PRKN: variants seen among roughly 807,000 people sequenced by gnomAD.
PRKN encodes parkin RBR E3 ubiquitin protein ligase.
A neutral mutation model predicts 59.5 loss-of-function variants in PRKN; 56 were observed. The observed-to-expected ratio is 0.94, with a 90% CI of 0.76 to 1.18. The LOEUF (loss-of-function observed/expected upper bound fraction) is 1.18. PRKN is among the 50% of genes most tolerant of loss of function. The pLI, the probability that PRKN is intolerant of heterozygous loss-of-function variation, is 0.00. For synonymous variants in PRKN, 250 were observed against 222.1 expected, an observed-to-expected ratio of 1.13 and a Z score of -1.12; for missense variants, 657 against 596.4, an observed-to-expected ratio of 1.10 and a Z score of -1.06.
chr6:162,027,117 G>T (rs1378439815), intron 5 of PRKN, among the ~76,000 whole-genome samples: 3 of 152,080 alleles, frequency 2.0e-5, no homozygotes, highest in African/African-American at 7.2e-5. Flanking sequence ...CCTCACTTAT[G>T]ACCTCTCTAC....
chr6:161,440,930 A>C lies in PRKN; in HGVS notation c.1084-54053T>G, dbSNP rs1393663521. The stretch of plus-strand genomic sequence containing the variant: ...TGTCCCTAGAAAATTTAAGACTAAA[A>C]TGTCAGCTGAAAGACAAAGAGAAAG... On this transcript the variant is annotated intron_variant, in intron 9 of 11. Coordinates refer to ENST00000366898, the MANE Select transcript of PRKN (RefSeq NM_004562.3). This position sits in a 1 kb window ranked among gnomAD's most constrained non-coding sequence, Gnocchi z 4.1. Among the ~76,000 whole-genome samples the C allele has an allele frequency of 2.6e-5, 4 of 152,220 alleles. No individual in the cohort carries two copies. The highest frequency in any genetic ancestry group is 2.1e-4 in the South Asian group (1 of 4,828).
rs558115447 is a variant in PRKN, at chr6:162,056,521, C to A, written c.535-2347G>T. Among the ~76,000 whole-genome samples the A allele has an allele frequency of 6.6e-6, 1 of 152,160 alleles. No homozygotes were observed. ...CAAAAGGAGCTGCATCTGGGATCCACCGATCATTAATCCAAAGGCCACCGC... is the reference window on the plus strand; with the variant it reads ...CAAAAGGAGCTGCATCTGGGATCCAACGATCATTAATCCAAAGGCCACCGC... On this transcript the variant is annotated intron_variant, in intron 4 of 11. Coordinates refer to ENST00000366898, the MANE Select transcript of PRKN (RefSeq NM_004562.3). This position sits in a 1 kb window ranked among gnomAD's most constrained non-coding sequence, Gnocchi z 4.9.
At chr6:162,174,196 T>C (rs1783425463) in intron 4 of PRKN, among the ~76,000 whole-genome samples, 1 of 152,230 alleles carries the variant, frequency 6.6e-6, no homozygotes, top group African/African-American at 2.4e-5. Flanking sequence ...AGAAAGGTGA[T>C]GGGCTGTCCA....
At chr6:162,128,810 A>G (rs1053611089) in intron 4 of PRKN, among the ~76,000 whole-genome samples, 1 of 152,162 alleles carries the variant, frequency 6.6e-6, no homozygotes, top group African/African-American at 2.4e-5. Context: ...CTCTTCCACC[A>G]TAAGAGGTTG....
At chr6:162,302,992 A>ACACG (rs1303421117) in intron 2 of PRKN, among the ~76,000 whole-genome samples, 1 of 151,580 alleles carries the variant, frequency 6.6e-6, no homozygotes, top group Non-Finnish European at 1.5e-5. Context: ...ACACACACAC[A>ACACG]CACACACAGA....
intron 2 of PRKN, among the ~76,000 whole-genome samples, chr6:162,388,894 T>A (rs1289315795): frequency 6.6e-6 from 1 of 151,246 alleles, no homozygotes; most frequent in African/African-American, 2.4e-5. Context: ...ACTGAAAGAC[T>A]TACCCACTGT....
chr6:162,451,263 G>A (rs927754693), intron 1 of PRKN, among the ~76,000 whole-genome samples: 4 of 150,706 alleles, frequency 2.7e-5, no homozygotes, highest in African/African-American at 7.3e-5. Flanking sequence ...AACCATTCTC[G>A]GAGAAAAGAA....
At chr6:161,455,538 C>T (rs1269375169) in intron 9 of PRKN, among the ~76,000 whole-genome samples, 1 of 152,054 alleles carries the variant, frequency 6.6e-6, no homozygotes, top group African/African-American at 2.4e-5. Flanking sequence ...TGGAGGAAAT[C>T]ACATCCGGTC....
At chr6:162,387,553 CACAGAGAGAGAGAGAGAGAGAGAGAG>C (rs1786908315) in intron 2 of PRKN, among the ~76,000 whole-genome samples, 1 of 80,232 alleles carries the variant, frequency 1.2e-5, no homozygotes, top group Non-Finnish European at 2.2e-5. Context: ...CACACACACA[CACAGAGAGAGAGAGAGAGAGAGAGAG>C]AGAGAGAGAG....
intron 1 of PRKN, among the ~76,000 whole-genome samples, chr6:162,609,078 A>G (rs1309899617): frequency 2.6e-5 from 4 of 152,208 alleles, no homozygotes; most frequent in African/African-American, 9.6e-5. Context: ...AAGAGGACCA[A>G]CTTCCAGATA....
intron 1 of PRKN, among the ~76,000 whole-genome samples, chr6:162,629,965 T>C (rs1301162974): frequency 6.6e-6 from 1 of 152,210 alleles, no homozygotes; most frequent in Non-Finnish European, 1.5e-5. Context: ...ATTCTACTTC[T>C]TTATCCAATT....
chr6:162,228,041 T>C (rs1322079717), intron 3 of PRKN, among the ~76,000 whole-genome samples: 1 of 152,104 alleles, frequency 6.6e-6, no homozygotes, highest in African/African-American at 2.4e-5. Context: ...ACAATGTTTA[T>C]CGTAGAGAGA....
intron 9 of PRKN, among the ~76,000 whole-genome samples, chr6:161,449,012 G>T (rs905858676): frequency 1.3e-4 from 20 of 152,302 alleles, no homozygotes; most frequent in Middle Eastern, 3.4e-3. Context: ...AAGGTGGATG[G>T]CTTACTTACA....
chr6:162,692,575 C>CCG (rs1234880325), intron 1 of PRKN, among the ~76,000 whole-genome samples: 4 of 151,402 alleles, frequency 2.6e-5, no homozygotes, highest in African/African-American at 4.9e-5. Flanking sequence ...GACAGACCCC[C>CCG]CCCAACAAAA....
In PRKN at chr6:161,554,181, T is replaced by C. The variant is rs1167534785; in HGVS notation, c.934-5178A>G. Among the ~76,000 whole-genome samples, 2 of 152,202 alleles carry C rather than the reference T, an allele frequency of 1.3e-5. No individual in the cohort carries two copies. Among genetic ancestry groups the C allele is most frequent in the Admixed American group, 6.5e-5 (1 of 15,278 alleles). Reference sequence around the variant, plus strand: ...CACAGAAGATGACATAATTACAATATTCCATAATTGCTCATTTGCTTTTTC... The same window carrying C: ...CACAGAAGATGACATAATTACAATACTCCATAATTGCTCATTTGCTTTTTC... On this transcript the variant is annotated intron_variant, in intron 8 of 11. Transcript: ENST00000366898. The surrounding 1 kb of genome is among the most constrained non-coding windows in gnomAD (Gnocchi z 4.5).
rs536604924 is a variant in PRKN, at chr6:161,674,823, T to C, written c.872-105407A>G. Among the ~76,000 whole-genome samples the C allele has an allele frequency of 1.2e-4, 18 of 152,356 alleles. No homozygotes were observed. In the South Asian group the frequency reaches 2.9e-3, roughly 25 times the overall value. The stretch of plus-strand genomic sequence containing the variant: ...CTATTGTCTTTGGTTGATGTACAAG[T>C]AGAAGAGTTGGTCTCTGCACAGCTG... On this transcript the variant is annotated intron_variant, in intron 7 of 11. Transcript: ENST00000366898.
chr6:162,261,983 T>G (rs2128099826), intron 3 of PRKN, among the ~76,000 whole-genome samples: 1 of 152,310 alleles, frequency 6.6e-6, no homozygotes, highest in South Asian at 2.1e-4. Flanking sequence ...CCCTGTAAAG[T>G]CATTGTGATT....
rs1413818946 is a variant in PRKN at position 161,457,010 on chromosome 6, G to A, written c.1084-70133C>T. ...CCAGAGAGCTGAGTTCAGGACCTGG[G>A]TTTGGGCGTGGAAGGGCGGTGTGAG... On this transcript the variant is annotated intron_variant, in intron 9 of 11. Coordinates refer to ENST00000366898, the MANE Select transcript of PRKN (RefSeq NM_004562.3). This position sits in a 1 kb window ranked among gnomAD's most constrained non-coding sequence, Gnocchi z 5.0. Among the ~76,000 whole-genome samples, 1 of 152,186 alleles carries A rather than the reference G, an allele frequency of 6.6e-6. No homozygotes were observed. The highest frequency in any genetic ancestry group is 2.4e-5 in the African/African-American group (1 of 41,446).
intron 1 of PRKN, among the ~76,000 whole-genome samples, chr6:162,563,345 G>T (rs1353503451): frequency 6.6e-6 from 1 of 151,572 alleles, no homozygotes; most frequent in Non-Finnish European, 1.5e-5. Flanking sequence ...AAAAGAGAAA[G>T]CAAGAGAAGA....
Sources: gnomAD v4.1 joint callset for allele counts (sites outside exome capture counted in the v4.1 genomes callset) on GRCh38, gnomAD v4.1.1 for gene constraint, Gnocchi (gnomAD v3.1) non-coding constraint, MANE v1.5 for transcripts, NCBI Gene and HGNC (gene_info 2026-07-23, HGNC 2026-07-21) for gene names.